Variants in BCAS3 observed in about 807,000 individuals in gnomAD.
The protein encoded by BCAS3 is BCAS3 microtubule associated cell migration factor.
Under a neutral mutation model 116.1 loss-of-function variants are expected in BCAS3, and 53 were observed. The ratio of observed to expected loss-of-function variants is 0.46; its 90% CI spans 0.37 to 0.57. The LOEUF (loss-of-function observed/expected upper bound fraction) is 0.57, where lower values mean the gene tolerates loss of function less well. Ranked by LOEUF, BCAS3 falls within the 20% of genes least tolerant of loss-of-function variation. The pLI is 0.00. For missense variants in BCAS3, 917 were observed against 1,165.4 expected, an observed-to-expected ratio of 0.79 and a Z score of 3.10; for synonymous variants, 391 against 408.2, an observed-to-expected ratio of 0.96 and a Z score of 0.51.
chr17:61,371,625 A>G (rs2059048246), intron 23 of BCAS3, among the ~76,000 whole-genome samples: 1 of 152,246 alleles, frequency 6.6e-6, no homozygotes, highest in Admixed American at 6.5e-5. Flanking sequence ...CATGTTAATT[A>G]GCTCGATTTA....
intron 4 of BCAS3, among the ~76,000 whole-genome samples, chr17:60,705,598 T>A (rs565847680): frequency 6.6e-6 from 1 of 151,236 alleles, no homozygotes; most frequent in Non-Finnish European, 1.5e-5. Flanking sequence ...TTTCAAGATA[T>A]CTGTTTTGGA....
intron 14 of BCAS3, among the ~76,000 whole-genome samples, chr17:60,963,627 C>T (rs534083525): frequency 2.0e-5 from 3 of 150,114 alleles, no homozygotes; most frequent in South Asian, 2.1e-4. Flanking sequence ...GCAATCTCAG[C>T]TCACTGCAAG....
chr17:60,701,466 C>T (rs925699968), intron 4 of BCAS3, among the ~76,000 whole-genome samples: 1 of 152,062 alleles, frequency 6.6e-6, no homozygotes, highest in African/African-American at 2.4e-5. Context: ...TGGGTTTGAA[C>T]TGTGCGGGTC....
At chr17:60,690,921 A>AAAAAAC (rs201565580) in intron 4 of BCAS3, among the ~76,000 whole-genome samples, 6,890 of 151,402 alleles carry the variant, frequency 0.046, 586 homozygotes, top group African/African-American at 0.16. Flanking sequence ...CTTTGTCTCA[A>AAAAAAC]AAAAACAAAA....
intron 13 of BCAS3, among the ~76,000 whole-genome samples, chr17:60,939,287 G>A (rs1201004905): frequency 6.6e-6 from 1 of 151,982 alleles, no homozygotes; most frequent in Non-Finnish European, 1.5e-5. Flanking sequence ...AAAAAATTTA[G>A]CCAGGTGTGG....
In BCAS3 at chr17:61,279,373, C is replaced by CT. The variant is rs1251142736; in HGVS notation, c.2426-88951dup. Among the ~76,000 whole-genome samples the CT allele has an allele frequency of 1.3e-5, 2 of 152,096 alleles. No homozygotes were observed. The highest frequency in any genetic ancestry group is 1.3e-4 in the Admixed American group (2 of 15,274). On this transcript the variant is annotated intron_variant, in intron 22 of 23. Coordinates refer to ENST00000407086, the MANE Select transcript of BCAS3 (RefSeq NM_017679.5). The surrounding 1 kb of genome is among the most constrained non-coding windows in gnomAD (Gnocchi z 4.4). ...ACAGAAGCTCTCGCTTCTTTCTTCT[C>CT]TTTCCATCAGTCAGTGATGCCCTTT... is the stretch of plus-strand genomic sequence containing the variant.
intron 22 of BCAS3, among the ~76,000 whole-genome samples, chr17:61,185,981 T>C (rs2079748491): frequency 1.3e-5 from 2 of 152,184 alleles, no homozygotes; most frequent in South Asian, 4.1e-4. Context: ...CAATTCACAC[T>C]TGTATACACA....
chr17:60,899,179 G>T (rs1465685224), intron 10 of BCAS3, among the ~76,000 whole-genome samples: 1 of 152,020 alleles, frequency 6.6e-6, no homozygotes, highest in Non-Finnish European at 1.5e-5. Flanking sequence ...GAGAGGGTAG[G>T]TCTGGCCTCA....
At chr17:60,985,544 T>A (rs1423796117) in intron 14 of BCAS3, among the ~76,000 whole-genome samples, 1 of 152,218 alleles carries the variant, frequency 6.6e-6, no homozygotes, top group Non-Finnish European at 1.5e-5. Flanking sequence ...TTATTTATTC[T>A]ATTTAAAAAT....
chr17:61,380,598 G>T lies in BCAS3; in HGVS notation c.2594-11379G>T, dbSNP rs749615038. 1 of 1,588,640 alleles carries T rather than the reference G, an allele frequency of 6.3e-7. No homozygotes were observed. The highest frequency in any genetic ancestry group is 2.2e-5 in the East Asian group (1 of 44,828). ...TATGTAACGTCCTATCTTTGCCTAT[G>T]TGGAAGGGGTTGTCCCGTTGCTTCT... On this transcript the variant is annotated intron_variant, in intron 23 of 23. Transcript: ENST00000407086. The surrounding 1 kb of genome is among the most constrained non-coding windows in gnomAD (Gnocchi z 4.2).
intron 14 of BCAS3, among the ~76,000 whole-genome samples, chr17:60,958,883 G>C (rs964840024): frequency 6.6e-6 from 1 of 152,180 alleles, no homozygotes; most frequent in Admixed American, 6.5e-5. Context: ...ATACAAAGTG[G>C]AGAAAGATTA....
chr17:60,827,256 A>G (rs1465242048), intron 7 of BCAS3, among the ~76,000 whole-genome samples: 1 of 152,222 alleles, frequency 6.6e-6, no homozygotes, highest in African/African-American at 2.4e-5. Context: ...ATCCTGATAC[A>G]TGTTAGGTGT....
rs2057635517 is a variant in BCAS3 at position 61,348,445 on chromosome 17, G to A, written c.2426-19882G>A. Among the ~76,000 whole-genome samples the A allele has an allele frequency of 6.6e-6, 1 of 152,150 alleles. No homozygotes were observed. Among genetic ancestry groups the A allele is most frequent in the African/African-American group, 2.4e-5 (1 of 41,426 alleles). ...AAGTCAGTAGCATATAGGTAGTACT[G>A]GGTATTTGTAAGCGTTAGAGTAGCT... On this transcript the variant is annotated intron_variant, in intron 22 of 23. Transcript: ENST00000407086. The surrounding 1 kb of genome is among the most constrained non-coding windows in gnomAD (Gnocchi z 4.5).
At chr17:60,811,166 A>T in intron 7 of BCAS3, 1 of 647,610 alleles carries the variant, frequency 1.5e-6, no homozygotes. Flanking sequence ...TACACCCTGC[A>T]GATGGGGCAG....
intron 12 of BCAS3, among the ~76,000 whole-genome samples, chr17:60,911,045 A>C (rs2058466840): frequency 6.9e-6 from 1 of 144,026 alleles, no homozygotes; most frequent in African/African-American, 2.6e-5. Context: ...AGACTCAGTT[A>C]TTGTTTCTTT....
At position 61,008,128 on chromosome 17, in the gene BCAS3, C is replaced by A. The variant is rs2064848029; in HGVS notation, c.1487-7623C>A. Among the ~76,000 whole-genome samples the A allele has an allele frequency of 6.6e-6, 1 of 152,072 alleles. No homozygotes were observed. Among genetic ancestry groups the A allele is most frequent in the Non-Finnish European group, 1.5e-5 (1 of 67,992 alleles). On this transcript the variant is annotated intron_variant, in intron 15 of 23. Coordinates refer to ENST00000407086, the MANE Select transcript of BCAS3 (RefSeq NM_017679.5). This position sits in a 1 kb window ranked among gnomAD's most constrained non-coding sequence, Gnocchi z 4.6. ...TGGCTCCTGTGAACAAGCATTGCTT[C>A]CGCCCAGTTTGGTATGTGGGTCAGA...
chr17:61,388,845 G>A lies in BCAS3; in HGVS notation c.2594-3132G>A. The A allele has an allele frequency of 2.3e-6, 2 of 863,066 alleles. No homozygotes were observed. The highest frequency in any genetic ancestry group is 5.4e-5 in the East Asian group (2 of 37,120). 53.5% of individuals were successfully genotyped at this position (863,066 alleles called of 1,614,324 possible). The stretch of plus-strand genomic sequence containing the variant: ...TGCCTGCAGGGGGAGGAGCAGAAGG[G>A]GTCTGAGAGGAGGCGTGGAGAAAAG... On this transcript the variant is annotated intron_variant, in intron 23 of 23. Coordinates refer to ENST00000407086, the MANE Select transcript of BCAS3 (RefSeq NM_017679.5). This position sits in a 1 kb window ranked among gnomAD's most constrained non-coding sequence, Gnocchi z 6.5.
intron 6 of BCAS3, among the ~76,000 whole-genome samples, chr17:60,799,840 G>A (rs1335036241): frequency 6.8e-6 from 1 of 147,768 alleles, no homozygotes; most frequent in African/African-American, 2.5e-5. Flanking sequence ...ATAGGCATGA[G>A]CCAATGAGAC....
chr17:61,024,563 C>T (rs1273063704), intron 16 of BCAS3, among the ~76,000 whole-genome samples: 1 of 151,794 alleles, frequency 6.6e-6, no homozygotes, highest in Non-Finnish European at 1.5e-5. Flanking sequence ...TTTTACGGTG[C>T]ATTTTAGGAT....
Sources: gnomAD v4.1 joint callset for allele counts (sites outside exome capture counted in the v4.1 genomes callset) on GRCh38, gnomAD v4.1.1 for gene constraint, Gnocchi (gnomAD v3.1) non-coding constraint, MANE v1.5 for transcripts, NCBI Gene and HGNC (gene_info 2026-07-23, HGNC 2026-07-21) for gene names.